N4BP2L2: variants seen among roughly 807,000 people sequenced by gnomAD.
N4BP2L2 encodes the protein NEDD4 binding protein 2 like 2.
N4BP2L2 carries 50 observed loss-of-function variants against 56.2 expected under a neutral mutation model. The ratio of observed to expected loss-of-function variants is 0.89; its 90% CI spans 0.71 to 1.13. N4BP2L2 has a LOEUF of 1.13. N4BP2L2 is among the 50% of genes most tolerant of loss of function. The probability of loss-of-function intolerance (pLI) is 0.00; values close to 1 mark genes in which losing one functional copy is unlikely to be tolerated. For missense variants in N4BP2L2, 689 were observed against 693.8 expected (o/e 0.99, Z 0.08); for synonymous variants, 203 against 223.6 (o/e 0.91, Z 0.82).
chr13:32,537,182 T>G (rs757536546), intron 1 of N4BP2L2, among the ~76,000 whole-genome samples, 155 bp from the exon 2 acceptor site: 17 of 152,006 alleles, frequency 1.1e-4, no homozygotes, highest in Non-Finnish European at 2.2e-4. Context: ...CATAACCACT[T>G]ATTATTTAAG....
At chr13:32,471,517 AAGAC>A (rs567015190) in intron 6 of N4BP2L2, among the ~76,000 whole-genome samples, 80 of 152,356 alleles carry the variant, frequency 5.3e-4, no homozygotes, top group Middle Eastern at 6.8e-3. Context: ...CACCCGAAGA[AAGAC>A]AGAGAGAGAG....
intron 6 of N4BP2L2, among the ~76,000 whole-genome samples, chr13:32,486,826 T>C (rs1156601001): frequency 6.6e-6 from 1 of 151,936 alleles, no homozygotes; most frequent in East Asian, 1.9e-4. Flanking sequence ...GGTGAAACCA[T>C]GTCTCCACTA....
At chr13:32,447,453 G>A (rs1249461490) in intron 6 of N4BP2L2, among the ~76,000 whole-genome samples, 1 of 152,186 alleles carries the variant, frequency 6.6e-6, no homozygotes, top group Non-Finnish European at 1.5e-5. Flanking sequence ...TCTGGATACT[G>A]TTTTGAAGGA....
intron 6 of N4BP2L2, among the ~76,000 whole-genome samples, chr13:32,460,383 C>A: frequency 6.6e-6 from 1 of 152,118 alleles, no homozygotes; most frequent in East Asian, 1.9e-4. Context: ...TTGCACAGGG[C>A]ATGATCTTGT....
chr13:32,527,467 T>C (rs2053368230), exon 3 of N4BP2L2: 28 of 1,613,934 alleles, frequency 1.7e-5, no homozygotes, highest in Non-Finnish European at 2.3e-5. Context: ...CCTGTACCCA[T>C]CTTGATGGTG....
At chr13:32,485,452 T>C (rs1191187632) in intron 6 of N4BP2L2, among the ~76,000 whole-genome samples, 1 of 152,216 alleles carries the variant, frequency 6.6e-6, no homozygotes, top group South Asian at 2.1e-4. Context: ...ATGAGGCCAG[T>C]ATCACTTTGA....
intron 6 of N4BP2L2, among the ~76,000 whole-genome samples, chr13:32,448,863 G>T (rs1345617801): frequency 1.3e-5 from 2 of 152,212 alleles, no homozygotes; most frequent in Non-Finnish European, 2.9e-5. Context: ...GGAATGACCA[G>T]TTGAAATAAC....
At chr13:32,536,380 T>C (rs772940799) in exon 2 of N4BP2L2, 1 of 1,614,086 alleles carries the variant, frequency 6.2e-7, no homozygotes, top group South Asian at 1.1e-5. Context: ...CTTCATCAGG[T>C]TTTAAGAGAC....
exon 4 of N4BP2L2, chr13:32,522,216 A>C: frequency 6.4e-7 from 1 of 1,574,036 alleles, no homozygotes; most frequent in African/African-American, 1.4e-5. Context: ...CCAAGCTTGT[A>C]TATTAGTGTT....
intron 6 of N4BP2L2, among the ~76,000 whole-genome samples, chr13:32,498,384 T>C (rs1460798799): frequency 6.6e-6 from 1 of 152,202 alleles, no homozygotes; most frequent in Non-Finnish European, 1.5e-5. Context: ...TCTCGTTCTG[T>C]TGCCCAGGCT....
intron 6 of N4BP2L2, among the ~76,000 whole-genome samples, chr13:32,480,002 C>T (rs374053038): frequency 1.3e-5 from 2 of 151,676 alleles, no homozygotes; most frequent in Non-Finnish European, 2.9e-5. Flanking sequence ...ATACACCATC[C>T]CACAGATTAA....
intron 6 of N4BP2L2, among the ~76,000 whole-genome samples, chr13:32,479,764 T>C (rs1017647935): frequency 2.0e-5 from 3 of 151,578 alleles, no homozygotes; most frequent in Non-Finnish European, 4.4e-5. Flanking sequence ...GCAGAAAATA[T>C]CCAGAAAGCA....
At chr13:32,446,353 T>C in intron 6 of N4BP2L2, 1 of 1,365,084 alleles carries the variant, frequency 7.3e-7, no homozygotes. Flanking sequence ...TCATGGCCAG[T>C]TCTACCTGAT....
At chr13:32,496,136 C>T (rs1301330737) in intron 6 of N4BP2L2, among the ~76,000 whole-genome samples, 1 of 152,158 alleles carries the variant, frequency 6.6e-6, no homozygotes, top group Non-Finnish European at 1.5e-5. Context: ...TGGGCCACCA[C>T]ACCAACTATT....
intron 1 of N4BP2L2, among the ~76,000 whole-genome samples, chr13:32,537,948 T>C (rs1274369078): frequency 2.0e-5 from 3 of 150,602 alleles, no homozygotes; most frequent in Non-Finnish European, 4.4e-5. Flanking sequence ...CGCGCACTTG[T>C]GGTCCCAGCT....
exon 2 of N4BP2L2, chr13:32,536,385 A>G: frequency 1.2e-6 from 2 of 1,614,124 alleles, no homozygotes; most frequent in Non-Finnish European, 1.7e-6. Flanking sequence ...TCAGGTTTTA[A>G]GAGACCATTA....
At chr13:32,476,426 T>C (rs1555255899) in intron 6 of N4BP2L2, among the ~76,000 whole-genome samples, 1 of 152,212 alleles carries the variant, frequency 6.6e-6, no homozygotes, top group Non-Finnish European at 1.5e-5. Context: ...ATTCTGATGC[T>C]GAGTGGATTA....
chr13:32,436,785 CAAAAAAAAAAAA>C (rs1174354861), intron 8 of N4BP2L2, among the ~76,000 whole-genome samples: 4 of 44,972 alleles, frequency 8.9e-5, no homozygotes, highest in Non-Finnish European at 1.6e-4. Context: ...GTGTGACTGT[CAAAAAAAAAAAA>C]AAAAAAAAAA....
At chr13:32,513,040 A>G (rs540532570) in exon 6 of N4BP2L2, 2 of 152,360 alleles carry the variant, frequency 1.3e-5, no homozygotes, top group East Asian at 3.9e-4. Context: ...TCAAAAAAAA[A>G]AAAAAGAATT....
Sources: gnomAD v4.1 joint callset for allele counts (sites outside exome capture counted in the v4.1 genomes callset) on GRCh38, gnomAD v4.1.1 for gene constraint, MANE v1.5 for transcripts, NCBI Gene and HGNC (gene_info 2026-07-23, HGNC 2026-07-21) for gene names.